The following GNG2 variants were observed in gnomAD, a reference collection of about 807,000 sequenced individuals.
GNG2 encodes the protein guanine nucleotide-binding protein G(I)/G(S)/G(O) subunit gamma-2.
In GNG2, 5 loss-of-function variants were observed where a neutral mutation model predicts 5.5. That is an observed-to-expected ratio of 0.91 (90% CI 0.48 to 1.92). GNG2 has a LOEUF of 1.92. Among genes scored for constraint, GNG2 ranks in the 30% most tolerant of loss-of-function variants. The pLI is 0.01. For missense variants in GNG2, 55 were observed against 88.4 expected (o/e 0.62, Z 1.52); for synonymous variants, 28 against 32.0 (o/e 0.88, Z 0.42).
chr14:51,924,026 C>CTAA (rs2140231052), intron 2 of GNG2, among the ~76,000 whole-genome samples: 1 of 152,292 alleles, frequency 6.6e-6, no homozygotes, highest in African/African-American at 2.4e-5. Flanking sequence ...TTTCAGGTCT[C>CTAA]TCTTTAAATG....
intron 2 of GNG2, among the ~76,000 whole-genome samples, chr14:51,836,097 C>T (rs1024856069): frequency 1.3e-5 from 2 of 151,392 alleles, no homozygotes; most frequent in African/African-American, 2.4e-5. Context: ...TCCTAGTTTG[C>T]GGAAGGCTGT....
At chr14:51,881,531 C>T (rs1884070097) in intron 2 of GNG2, among the ~76,000 whole-genome samples, 1 of 152,236 alleles carries the variant, frequency 6.6e-6, no homozygotes, top group South Asian at 2.1e-4. Flanking sequence ...ACTGAGAAAT[C>T]AGGGAAGCTG....
In GNG2 at chr14:51,868,555, T is replaced by C. The variant is rs1236119976; in HGVS notation, c.-71+7765T>C. Reference sequence around the variant, plus strand: ...ATCCCTGAAGGCCTCTCTGAAGAGGTGACATTTGAGTTGAGACCAAAATGA... The same window carrying C: ...ATCCCTGAAGGCCTCTCTGAAGAGGCGACATTTGAGTTGAGACCAAAATGA... On this transcript the variant is annotated intron_variant, in intron 1 of 3. Coordinates refer to ENST00000556766, the MANE Select transcript of GNG2 (RefSeq NM_053064.5). 2.0e-5 allele frequency among the ~76,000 whole-genome samples: 3 copies of C among 152,042 alleles called. No individual in the cohort carries two copies. The East Asian group carries it at 5.8e-4, about 29-fold the overall frequency.
intron 2 of GNG2, among the ~76,000 whole-genome samples, chr14:51,911,544 GCT>G (rs971292077): frequency 8.8e-5 from 13 of 147,378 alleles, no homozygotes; most frequent in Non-Finnish European, 1.6e-4. Context: ...AATAATGATA[GCT>G]TTTTTTTTTT....
At chr14:51,896,521 T>C (rs186336727) in intron 2 of GNG2, among the ~76,000 whole-genome samples, 16 of 152,292 alleles carry the variant, frequency 1.1e-4, no homozygotes, top group Admixed American at 8.5e-4. Flanking sequence ...ACCAATAGCC[T>C]AAATGTTCTT....
chr14:51,891,065 G>C (rs1884821163), intron 2 of GNG2, among the ~76,000 whole-genome samples: 1 of 152,148 alleles, frequency 6.6e-6, no homozygotes, highest in Non-Finnish European at 1.5e-5. Flanking sequence ...GGCAGATAAA[G>C]GCAAGTTAGT....
chr14:51,882,142 T>TA (rs1432933548), intron 2 of GNG2, among the ~76,000 whole-genome samples: 28 of 152,196 alleles, frequency 1.8e-4, no homozygotes, highest in Admixed American at 1.8e-3. Flanking sequence ...CTTATCTGGG[T>TA]ACAGGGTTTC....
intron 2 of GNG2, among the ~76,000 whole-genome samples, chr14:51,833,408 G>A (rs1418022312): frequency 6.6e-6 from 1 of 152,106 alleles, no homozygotes; most frequent in East Asian, 1.9e-4. Flanking sequence ...CTAGGTGTCT[G>A]CTAGTTCATC....
chr14:51,832,312 G>A (rs573201388), intron 2 of GNG2, among the ~76,000 whole-genome samples: 1 of 151,874 alleles, frequency 6.6e-6, no homozygotes, highest in African/African-American at 2.4e-5. Flanking sequence ...GAAAAAGATG[G>A]CAAAGCTATT....
intron 2 of GNG2, among the ~76,000 whole-genome samples, chr14:51,846,416 AAGAC>A (rs1881630384): frequency 6.6e-6 from 1 of 152,224 alleles, no homozygotes; most frequent in African/African-American, 2.4e-5. Context: ...CAATTTTAAA[AAGAC>A]AGGAAAGCAG....
chr14:51,897,270 C>T (rs541625038), intron 2 of GNG2, among the ~76,000 whole-genome samples: 2 of 152,318 alleles, frequency 1.3e-5, no homozygotes, highest in South Asian at 4.1e-4. Context: ...ACGGTAGAGT[C>T]AAGTCATTCA....
intron 2 of GNG2, among the ~76,000 whole-genome samples, chr14:51,946,464 A>C (rs1888650025): frequency 6.6e-6 from 1 of 152,212 alleles, no homozygotes; most frequent in Non-Finnish European, 1.5e-5. Context: ...AGAGAAAGAA[A>C]AAGGAAGAGA....
chr14:51,918,944 C>A (rs1334492940), intron 2 of GNG2, among the ~76,000 whole-genome samples: 1 of 152,184 alleles, frequency 6.6e-6, no homozygotes, highest in Non-Finnish European at 1.5e-5. Flanking sequence ...CCTGCCTCAG[C>A]CTTCCTGAGT....
intron 2 of GNG2, among the ~76,000 whole-genome samples, chr14:51,930,994 G>T (rs1481576367): frequency 2.0e-5 from 3 of 152,194 alleles, no homozygotes; most frequent in Non-Finnish European, 2.9e-5. Flanking sequence ...TGCTAGAGAG[G>T]CTGAGGTGGG....
At chr14:51,911,046 T>G (rs767105118) in intron 2 of GNG2, among the ~76,000 whole-genome samples, 1 of 152,110 alleles carries the variant, frequency 6.6e-6, no homozygotes, top group Non-Finnish European at 1.5e-5. Context: ...AGGTGTACAG[T>G]TGGGAACTGT....
chr14:51,915,026 A>T (rs1243818484), intron 2 of GNG2, among the ~76,000 whole-genome samples: 2 of 152,224 alleles, frequency 1.3e-5, no homozygotes, highest in East Asian at 3.8e-4. Flanking sequence ...ATTTCTTTCT[A>T]CTTAGGCATT....
At chr14:51,915,275 C>G (rs1408928622) in intron 2 of GNG2, among the ~76,000 whole-genome samples, 1 of 152,186 alleles carries the variant, frequency 6.6e-6, no homozygotes, top group Non-Finnish European at 1.5e-5. Flanking sequence ...ATAAGGATGG[C>G]AGCTTTGGAT....
chr14:51,889,482 A>C lies in GNG2; in HGVS notation c.-30+11825A>C, dbSNP rs140588529. ...AGAATTCACAGTCTAATCTGTGACT[A>C]TACTAAAAACACTGAATTGTATACC... On this transcript the variant is annotated intron_variant, in intron 2 of 3. Coordinates refer to ENST00000556766, the MANE Select transcript of GNG2 (RefSeq NM_053064.5). Among the ~76,000 whole-genome samples, 138 of 152,312 alleles carry C rather than the reference A, an allele frequency of 9.1e-4. 3 individuals carry two copies. In the East Asian group the frequency reaches 0.025, roughly 28 times the overall value.
intron 2 of GNG2, among the ~76,000 whole-genome samples, chr14:51,889,002 G>A (rs1447123594): frequency 1.4e-4 from 21 of 151,926 alleles, no homozygotes; most frequent in Admixed American, 1.4e-3. Flanking sequence ...GCACTGAAAT[G>A]TCCAGAATAG....
Sources: allele counts gnomAD v4.1 joint callset (sites outside exome capture counted in the v4.1 genomes callset), GRCh38; gene constraint gnomAD v4.1.1; transcripts MANE v1.5; gene names NCBI Gene and HGNC (gene_info 2026-07-23, HGNC 2026-07-21).